ZNF121: variants seen among roughly 807,000 people sequenced by gnomAD.
ZNF121 encodes zinc finger protein 121, also known as zinc finger protein 121 (clone ZHC32).
A neutral mutation model predicts 2.4 loss-of-function variants in ZNF121; 1 was observed. The ratio of observed to expected loss-of-function variants is 0.41; its 90% CI spans 0.15 to 1.94. The LOEUF (loss-of-function observed/expected upper bound fraction) is 1.94, where lower values mean the gene tolerates loss of function less well. Ranked by LOEUF, ZNF121 falls within the 30% of genes most tolerant of loss-of-function variation. The probability of loss-of-function intolerance (pLI) is 0.30; values close to 1 mark genes in which losing one functional copy is unlikely to be tolerated. For synonymous variants in ZNF121, 173 were observed against 158.6 expected (o/e 1.09, Z -0.68); for missense variants, 369 against 466.3 (o/e 0.79, Z 1.92).
At chr19:9,579,742 T>C (rs2074235984) in intron 1 of ZNF121, among the ~76,000 whole-genome samples, 6 of 152,172 alleles carry the variant, frequency 3.9e-5, no homozygotes, top group Admixed American at 3.9e-4. Flanking sequence ...AATAGATCAG[T>C]AGGGTGACTA....
chr19:9,571,290 A>G (rs556923384), intron 1 of ZNF121, among the ~76,000 whole-genome samples: 1 of 152,306 alleles, frequency 6.6e-6, no homozygotes, highest in East Asian at 1.9e-4. Context: ...ATAGTGTACC[A>G]ATCTCTGTAC....
At chr19:9,580,513 G>A (rs1306839282) in intron 1 of ZNF121, among the ~76,000 whole-genome samples, 1 of 151,818 alleles carries the variant, frequency 6.6e-6, no homozygotes, top group Non-Finnish European at 1.5e-5. Context: ...TCAGTATGGG[G>A]GTTTCTCAAA....
intron 1 of ZNF121, among the ~76,000 whole-genome samples, chr19:9,578,614 C>T (rs2074227976): frequency 6.6e-6 from 1 of 152,132 alleles, no homozygotes; most frequent in African/African-American, 2.4e-5. Flanking sequence ...TAGCAGTCTT[C>T]AATAAGTGCT....
intron 1 of ZNF121, among the ~76,000 whole-genome samples, chr19:9,583,662 C>T (rs971218668): frequency 6.6e-6 from 1 of 152,050 alleles, no homozygotes; most frequent in Non-Finnish European, 1.5e-5. Flanking sequence ...CGCCATCGCG[C>T]CTGGCTAATT....
intron 1 of ZNF121, among the ~76,000 whole-genome samples, chr19:9,570,653 G>A (rs779009927): frequency 1.2e-4 from 18 of 152,014 alleles, no homozygotes; most frequent in East Asian, 1.9e-4. Flanking sequence ...TGCAACCTCC[G>A]CCTCCTGGGT....
At chr19:9,575,985 A>T (rs1384662345) in intron 1 of ZNF121, among the ~76,000 whole-genome samples, 1 of 152,172 alleles carries the variant, frequency 6.6e-6, no homozygotes, top group East Asian at 1.9e-4. Context: ...ACACAGAAGA[A>T]GTTAAGCAAT....
chr19:9,570,850 G>A (rs1171565243), intron 1 of ZNF121, among the ~76,000 whole-genome samples: 2 of 152,120 alleles, frequency 1.3e-5, no homozygotes, highest in African/African-American at 4.8e-5. Flanking sequence ...CAAAGTGCTG[G>A]GATTACAGGC....
At chr19:9,576,000 T>C (rs985172043) in intron 1 of ZNF121, among the ~76,000 whole-genome samples, 2 of 151,462 alleles carry the variant, frequency 1.3e-5, no homozygotes, top group African/African-American at 2.4e-5. Context: ...AGCAATAAAC[T>C]AAACCAAAAA....
intron 1 of ZNF121, among the ~76,000 whole-genome samples, chr19:9,577,186 G>A (rs559413661): frequency 1.4e-4 from 22 of 152,292 alleles, no homozygotes; most frequent in Admixed American, 4.6e-4. Flanking sequence ...GCTCACGCCC[G>A]TAATTCCAGC....
chr19:9,577,390 C>A (rs2074218380), intron 1 of ZNF121, among the ~76,000 whole-genome samples: 1 of 151,880 alleles, frequency 6.6e-6, no homozygotes, highest in South Asian at 2.1e-4. Flanking sequence ...GCGGAGGTTG[C>A]CGTGAGCCAA....
At chr19:9,577,556 A>G (rs2074219806) in intron 1 of ZNF121, among the ~76,000 whole-genome samples, 1 of 152,084 alleles carries the variant, frequency 6.6e-6, no homozygotes, top group African/African-American at 2.4e-5. Context: ...GAGGATACAG[A>G]AAAAAAATGG....
chr19:9,569,624 C>T (rs543762557), intron 1 of ZNF121, among the ~76,000 whole-genome samples: 1 of 151,170 alleles, frequency 6.6e-6, no homozygotes, highest in Non-Finnish European at 1.5e-5. Context: ...CTCCACCTCC[C>T]AGGTTCAAGT....
intron 1 of ZNF121, among the ~76,000 whole-genome samples, chr19:9,583,577 C>G (rs2074264341): frequency 6.8e-6 from 1 of 147,064 alleles, no homozygotes; most frequent in Non-Finnish European, 1.5e-5. Flanking sequence ...GATCTCGGCT[C>G]ACTGCAAGCT....
At chr19:9,568,535 C>T (rs766323117) in intron 2 of ZNF121, among the ~76,000 whole-genome samples, 103 of 152,036 alleles carry the variant, frequency 6.8e-4, no homozygotes, top group Admixed American at 2.3e-3. Flanking sequence ...CCACCAGGCC[C>T]GGCTAATTTT....
intron 1 of ZNF121, among the ~76,000 whole-genome samples, chr19:9,579,197 A>T (rs2074232267): frequency 6.6e-6 from 1 of 152,204 alleles, no homozygotes; most frequent in African/African-American, 2.4e-5. Flanking sequence ...ACTGATGAGG[A>T]TGTGGTGAAA....
chr19:9,583,659 G>A (rs556474904), intron 1 of ZNF121, among the ~76,000 whole-genome samples: 4 of 151,770 alleles, frequency 2.6e-5, no homozygotes, highest in Admixed American at 1.3e-4. Context: ...GCCCGCCATC[G>A]CGCCTGGCTA....
Position 9,564,521 on chromosome 19 carries a change from A to T in ZNF121, c.*1419T>A, listed in dbSNP as rs1434242302. The T allele has an allele frequency of 6.6e-6, 1 of 152,196 alleles. No homozygotes were observed. The highest frequency in any genetic ancestry group is 1.5e-5 in the Non-Finnish European group (1 of 68,048). The allele number at this position is 152,196 out of a possible 1,614,324, so 9.4% of individuals were successfully genotyped here. A position where few individuals can be genotyped will look rare whatever the true frequency, so the allele number is the denominator to read the frequency against. On this transcript the variant is annotated 3_prime_UTR_variant, in exon 4 of 4. Coordinates refer to ENST00000320451, the MANE Select transcript of ZNF121 (RefSeq NM_001008727.5). ...CTGTGGATGTGATGGAAAAAAGAGA[A>T]CTAGAATTAGAAGTGGAGCCTGAAG...
rs773908562 is a variant in ZNF121, at chr19:9,567,118, A to G, written c.4-9T>C. On this transcript the variant is annotated splice_polypyrimidine_tract_variant and intron_variant, in intron 3 of 3. Transcript: ENST00000320451. Reference sequence around the variant, plus strand: ...CCATTGTGGATTTCTGCCTGTTAATAAAGGGATGAATGATGATTAAAGGAT... The same window carrying G: ...CCATTGTGGATTTCTGCCTGTTAATGAAGGGATGAATGATGATTAAAGGAT... 4 of 1,595,184 alleles carry G rather than the reference A, an allele frequency of 2.5e-6. 1 individual carries two copies. The South Asian group carries it at 4.5e-5, about 18-fold the overall frequency.
chr19:9,566,556 T>C lies in ZNF121; in HGVS notation c.557A>G (p.His186Arg). 6.2e-7 allele frequency: 1 copy of C among 1,614,218 alleles called. No individual in the cohort carries two copies. Among genetic ancestry groups the C allele is most frequent in the South Asian group, 1.1e-5 (1 of 91,086 alleles). The part of the protein sequence containing the change: ...ECGKCFTVSS[H>R]LVEHVRIHTG... ...ATGAATTCTTACATGTTCAACTAGG[T>C]GTGAAGAAACAGTGAAGCATTTCCC... Residue 186 changes from histidine (H) to arginine (R), a missense_variant, in exon 4 of 4, where the codon CAC (histidine) becomes CGC (arginine). By Grantham distance (29) the His-to-Arg change is conservative. Transcript: ENST00000320451.
Sources: allele counts gnomAD v4.1 joint callset (sites outside exome capture counted in the v4.1 genomes callset), GRCh38; gene constraint gnomAD v4.1.1; transcripts MANE v1.5; gene names NCBI Gene and HGNC (gene_info 2026-07-23, HGNC 2026-07-21).